Variants in DGKI observed in about 807,000 individuals in gnomAD.
DGKI encodes the protein diacylglycerol kinase iota, also known as DAG kinase iota.
Under a neutral mutation model 147.5 loss-of-function variants are expected in DGKI, and 55 were observed. The observed-to-expected ratio is 0.37, with a 90% CI of 0.30 to 0.47. The LOEUF is 0.47. Ranked by LOEUF, DGKI falls within the 20% of genes least tolerant of loss-of-function variation. The pLI, the probability that DGKI is intolerant of heterozygous loss-of-function variation, is 1.00. For synonymous variants in DGKI, 469 were observed against 477.1 expected, an observed-to-expected ratio of 0.98 and a Z score of 0.22; for missense variants, 1,007 against 1,323.8, an observed-to-expected ratio of 0.76 and a Z score of 3.71.
chr7:137,739,269 A>G (rs1407973735), intron 1 of DGKI, among the ~76,000 whole-genome samples: 1 of 152,120 alleles, frequency 6.6e-6, no homozygotes, highest in Non-Finnish European at 1.5e-5. Flanking sequence ...CACATTTTTC[A>G]ACATTCACAT....
intron 27 of DGKI, among the ~76,000 whole-genome samples, chr7:137,455,200 T>A (rs534633131): frequency 6.6e-6 from 1 of 152,042 alleles, no homozygotes; most frequent in South Asian, 2.1e-4. Context: ...TCTGACAACA[T>A]CTCCTCCCAC....
At chr7:137,743,809 C>T (rs906519987) in intron 1 of DGKI, among the ~76,000 whole-genome samples, 2 of 151,856 alleles carry the variant, frequency 1.3e-5, no homozygotes, top group African/African-American at 2.4e-5. Context: ...CAGTGAAACC[C>T]CGTCTCTGCT....
chr7:137,831,078 T>C (rs1798203026), intron 1 of DGKI, among the ~76,000 whole-genome samples: 1 of 152,210 alleles, frequency 6.6e-6, no homozygotes, highest in Admixed American at 6.5e-5. Context: ...TCATTTTTCC[T>C]ATAACAAAAA....
At chr7:137,474,949 G>T (rs772101114) in intron 23 of DGKI, among the ~76,000 whole-genome samples, 5 of 152,012 alleles carry the variant, frequency 3.3e-5, no homozygotes, top group African/African-American at 1.2e-4. Context: ...TATCATAAAG[G>T]GTTCTTTTGA....
At chr7:137,824,040 A>G (rs1563214508) in intron 1 of DGKI, among the ~76,000 whole-genome samples, 1 of 152,222 alleles carries the variant, frequency 6.6e-6, no homozygotes, top group Non-Finnish European at 1.5e-5. Flanking sequence ...GAAGAAACAC[A>G]TAAGGGTGGG....
At chr7:137,587,272 G>T (rs947710724) in intron 12 of DGKI, 62 bp from the exon 13 acceptor site, 41 of 1,337,396 alleles carry the variant, frequency 3.1e-5, no homozygotes, top group Non-Finnish European at 4.0e-5. Flanking sequence ...AAAGAAAACA[G>T]TTTGAGAAAC....
chr7:137,455,654 G>GGGAGGGGGGA (rs1814169939), intron 27 of DGKI, among the ~76,000 whole-genome samples: 1 of 84,462 alleles, frequency 1.2e-5, no homozygotes, highest in African/African-American at 4.1e-5. Context: ...GGGGGGCGGG[G>GGGAGGGGGGA]AATGTGGTCT....
At chr7:137,441,772 A>G (rs1813519941) in intron 28 of DGKI, among the ~76,000 whole-genome samples, 1 of 152,234 alleles carries the variant, frequency 6.6e-6, no homozygotes, top group Admixed American at 6.5e-5. Context: ...TTCCAATTTC[A>G]CAATCCATGT....
At chr7:137,437,592 T>G (rs73730617) in intron 28 of DGKI, among the ~76,000 whole-genome samples, 2,764 of 152,264 alleles carry the variant, frequency 0.018, 86 homozygotes, top group African/African-American at 0.063. Flanking sequence ...TATAGATTCA[T>G]GCAATTTTCA....
chr7:137,397,015 A>AT (rs939995311), intron 31 of DGKI, among the ~76,000 whole-genome samples: 11 of 152,296 alleles, frequency 7.2e-5, no homozygotes, highest in African/African-American at 2.4e-4. Context: ...GTAGGGCCCC[A>AT]TTTTTTCAGA....
intron 32 of DGKI, among the ~76,000 whole-genome samples, chr7:137,393,823 A>G (rs1235707284): frequency 6.6e-6 from 1 of 152,190 alleles, no homozygotes; most frequent in East Asian, 1.9e-4. Context: ...GTTCTATGTA[A>G]TACAACTGGC....
At chr7:137,542,991 A>C (rs542576987) in intron 20 of DGKI, among the ~76,000 whole-genome samples, 1 of 152,340 alleles carries the variant, frequency 6.6e-6, no homozygotes, top group East Asian at 1.9e-4. Context: ...AGCAATGAAT[A>C]AATTAGGTGT....
chr7:137,549,689 G>A (rs1817981880), intron 20 of DGKI, among the ~76,000 whole-genome samples: 1 of 152,204 alleles, frequency 6.6e-6, no homozygotes, highest in East Asian at 1.9e-4. Flanking sequence ...AAGGCTTGAA[G>A]GACTCAGAAG....
chr7:137,838,176 T>C (rs1456986288), intron 1 of DGKI, among the ~76,000 whole-genome samples: 1 of 151,940 alleles, frequency 6.6e-6, no homozygotes, highest in Non-Finnish European at 1.5e-5. Flanking sequence ...GTAATTTTTC[T>C]TGTATTTTAG....
At chr7:137,822,114 T>C (rs960135185) in intron 1 of DGKI, among the ~76,000 whole-genome samples, 1 of 152,158 alleles carries the variant, frequency 6.6e-6, no homozygotes, top group African/African-American at 2.4e-5. Flanking sequence ...ATAATAATAA[T>C]TCAGCCTCAG....
intron 23 of DGKI, among the ~76,000 whole-genome samples, 163 bp downstream of exon 23, chr7:137,485,211 T>C (rs1442622154): frequency 6.6e-6 from 1 of 152,052 alleles, no homozygotes; most frequent in African/African-American, 2.4e-5. Context: ...TGGTCCAAAA[T>C]CAGGAAAATG....
chr7:137,511,593 C>G (rs1398528447), intron 21 of DGKI, among the ~76,000 whole-genome samples: 1 of 152,202 alleles, frequency 6.6e-6, no homozygotes, highest in Non-Finnish European at 1.5e-5. Context: ...TTAGAACAGT[C>G]TTTGATACAT....
intron 1 of DGKI, among the ~76,000 whole-genome samples, chr7:137,813,374 C>T (rs556221369): frequency 6.6e-6 from 1 of 152,202 alleles, no homozygotes; most frequent in Non-Finnish European, 1.5e-5. Context: ...AGGATGAACC[C>T]AATGTTCATA....
chr7:137,758,042 G>C (rs2116790633), intron 1 of DGKI, among the ~76,000 whole-genome samples: 1 of 152,212 alleles, frequency 6.6e-6, no homozygotes, highest in South Asian at 2.1e-4. Flanking sequence ...TGTATCTCCT[G>C]GTTTAAGTTT....
Sources: allele counts gnomAD v4.1 joint callset (sites outside exome capture counted in the v4.1 genomes callset), GRCh38; gene constraint gnomAD v4.1.1; transcripts MANE v1.5; gene names NCBI Gene and HGNC (gene_info 2026-07-23, HGNC 2026-07-21).